Variants in SLC9A9 observed in about 807,000 individuals in gnomAD.
The protein encoded by SLC9A9 is sodium/hydrogen exchanger 9.
A neutral mutation model predicts 77.8 loss-of-function variants in SLC9A9; 62 were observed. The ratio of observed to expected loss-of-function variants is 0.80; its 90% CI spans 0.65 to 0.98. The LOEUF is 0.98. SLC9A9 is among the 50% of genes least tolerant of loss of function. The pLI is 0.00. For missense variants in SLC9A9, 775 were observed against 774.9 expected, an observed-to-expected ratio of 1.00 and a Z score of 0.00; for synonymous variants, 320 against 283.5, an observed-to-expected ratio of 1.13 and a Z score of -1.29.
chr3:143,423,392 C>A (rs750248509), intron 12 of SLC9A9, among the ~76,000 whole-genome samples: 6 of 151,978 alleles, frequency 3.9e-5, no homozygotes, highest in Non-Finnish European at 2.9e-5. Flanking sequence ...TGTAAAGGAA[C>A]CAGGGATCCT....
intron 4 of SLC9A9, among the ~76,000 whole-genome samples, chr3:143,775,685 C>T (rs2007665803): frequency 6.6e-6 from 1 of 152,194 alleles, no homozygotes; most frequent in Non-Finnish European, 1.5e-5. Flanking sequence ...GGTGGTGACA[C>T]TTGCCCCCTC....
intron 12 of SLC9A9, among the ~76,000 whole-genome samples, chr3:143,417,019 T>C (rs1197737016): frequency 1.3e-5 from 2 of 152,076 alleles, no homozygotes; most frequent in African/African-American, 4.8e-5. Context: ...GAGGTAGTTA[T>C]TTTGGTGGGA....
chr3:143,785,477 C>A (rs2008018559), intron 4 of SLC9A9, among the ~76,000 whole-genome samples: 1 of 152,210 alleles, frequency 6.6e-6, no homozygotes, highest in South Asian at 2.1e-4. Context: ...AGTCAAGGAA[C>A]TGGATGAATG....
At chr3:143,443,578 C>T (rs2034789487) in intron 12 of SLC9A9, among the ~76,000 whole-genome samples, 2 of 152,034 alleles carry the variant, frequency 1.3e-5, no homozygotes, top group South Asian at 2.1e-4. Context: ...TTTTAATTTG[C>T]CTGGTATTGA....
intron 12 of SLC9A9, among the ~76,000 whole-genome samples, chr3:143,460,743 C>T: frequency 6.6e-6 from 1 of 152,136 alleles, no homozygotes; most frequent in Admixed American, 6.5e-5. Context: ...ACCCAGATGG[C>T]ACTGAAAGCA....
chr3:143,334,970 A>C (rs1243286298), intron 14 of SLC9A9, among the ~76,000 whole-genome samples: 2 of 152,200 alleles, frequency 1.3e-5, no homozygotes, highest in Non-Finnish European at 2.9e-5. Context: ...CATGAAAAAA[A>C]AAAATAGCAC....
chr3:143,491,549 A>C (rs571895665), intron 11 of SLC9A9, among the ~76,000 whole-genome samples: 188 of 152,168 alleles, frequency 1.2e-3, no homozygotes, highest in African/African-American at 4.4e-3. Flanking sequence ...CATAGAAATA[A>C]ATTCTGGACC....
intron 6 of SLC9A9, among the ~76,000 whole-genome samples, chr3:143,592,004 AT>A (rs1234189233): frequency 6.6e-6 from 1 of 152,204 alleles, no homozygotes; most frequent in African/African-American, 2.4e-5. Flanking sequence ...TAAACTGAAC[AT>A]TTGTAAATGC....
intron 13 of SLC9A9, among the ~76,000 whole-genome samples, chr3:143,372,589 G>A (rs1435120926): frequency 6.6e-6 from 1 of 152,066 alleles, no homozygotes; most frequent in African/African-American, 2.4e-5. Flanking sequence ...GACCCCAAAA[G>A]CAAATGCAAC....
chr3:143,725,155 A>T lies in SLC9A9; in HGVS notation c.534-31848T>A, dbSNP rs6780815. Among the ~76,000 whole-genome samples, 248 of 152,304 alleles carry T rather than the reference A, an allele frequency of 1.6e-3. 1 individual carries two copies. The highest frequency in any genetic ancestry group is 3.7e-3 in the Admixed American group (57 of 15,302). On this transcript the variant is annotated intron_variant, in intron 4 of 15. Transcript: ENST00000316549. ...TAAAGGCTTTGAAGACAGGAGAGGC[A>T]TCTTTTTCTTTATTCTAGCCTGGTG...
chr3:143,612,910 G>A (rs1288112559), intron 6 of SLC9A9, among the ~76,000 whole-genome samples: 1 of 152,032 alleles, frequency 6.6e-6, no homozygotes, highest in African/African-American at 2.4e-5. Context: ...ACACTAAATT[G>A]GACTGATATG....
chr3:143,356,690 T>G (rs1427207062), intron 14 of SLC9A9, among the ~76,000 whole-genome samples: 8 of 152,082 alleles, frequency 5.3e-5, no homozygotes, highest in African/African-American at 1.2e-4. Context: ...TCAGTTAACT[T>G]TTTTTGTAGA....
chr3:143,605,769 T>C (rs545615787), intron 6 of SLC9A9, among the ~76,000 whole-genome samples: 2 of 152,340 alleles, frequency 1.3e-5, no homozygotes, highest in Non-Finnish European at 2.9e-5. Flanking sequence ...CACTCAGTGC[T>C]GACAGGTGTA....
chr3:143,354,235 G>A (rs1265192238), intron 14 of SLC9A9, among the ~76,000 whole-genome samples: 2 of 152,136 alleles, frequency 1.3e-5, no homozygotes, highest in African/African-American at 2.4e-5. Context: ...CGAAATCGCT[G>A]TTCCTCCATG....
At chr3:143,332,653 T>A (rs1306049102) in intron 14 of SLC9A9, among the ~76,000 whole-genome samples, 3 of 152,220 alleles carry the variant, frequency 2.0e-5, no homozygotes, top group Non-Finnish European at 4.4e-5. Flanking sequence ...AAAAGCCAAG[T>A]GGTTCATTTG....
chr3:143,562,799 T>C (rs369623308), intron 8 of SLC9A9, among the ~76,000 whole-genome samples: 104 of 152,054 alleles, frequency 6.8e-4, no homozygotes, highest in African/African-American at 2.4e-3. Context: ...TAGATTTAAA[T>C]TGGACATATG....
intron 14 of SLC9A9, among the ~76,000 whole-genome samples, chr3:143,323,575 G>T (rs1015504662): frequency 1.3e-5 from 2 of 152,090 alleles, no homozygotes; most frequent in Non-Finnish European, 2.9e-5. Flanking sequence ...GGAAGGGTGA[G>T]TGTGGGGAGG....
chr3:143,573,599 C>T (rs1170302125), intron 8 of SLC9A9, among the ~76,000 whole-genome samples: 2 of 152,094 alleles, frequency 1.3e-5, no homozygotes, highest in Non-Finnish European at 2.9e-5. Flanking sequence ...GTACAGCCAC[C>T]ACATTTGCTG....
chr3:143,658,042 T>C (rs1408597439), intron 5 of SLC9A9, among the ~76,000 whole-genome samples: 1 of 152,072 alleles, frequency 6.6e-6, no homozygotes, highest in East Asian at 1.9e-4. Context: ...AATTTTTGAA[T>C]TTTTAGTAGA....
Sources: allele counts gnomAD v4.1 joint callset (sites outside exome capture counted in the v4.1 genomes callset), GRCh38; gene constraint gnomAD v4.1.1; transcripts MANE v1.5; gene names NCBI Gene and HGNC (gene_info 2026-07-23, HGNC 2026-07-21).